GNL2: variants seen among roughly 807,000 people sequenced by gnomAD.
GNL2 encodes nucleolar GTP-binding protein 2.
A neutral mutation model predicts 92.3 loss-of-function variants in GNL2; 51 were observed. The ratio of observed to expected loss-of-function variants is 0.55; its 90% CI spans 0.44 to 0.70. The LOEUF (loss-of-function observed/expected upper bound fraction) is 0.70, where lower values mean the gene tolerates loss of function less well. GNL2 is among the 30% of genes least tolerant of loss of function. GNL2 has a pLI of 0.00. For missense variants in GNL2, 844 were observed against 895.6 expected, an observed-to-expected ratio of 0.94 and a Z score of 0.74; for synonymous variants, 283 against 300.6, an observed-to-expected ratio of 0.94 and a Z score of 0.61.
At chr1:37,591,420 G>A (rs1643886666) in intron 3 of GNL2, among the ~76,000 whole-genome samples, 1 of 152,180 alleles carries the variant, frequency 6.6e-6, no homozygotes, top group African/African-American at 2.4e-5. Context: ...AAAACAGCAA[G>A]GTGGTAATGA....
chr1:37,567,553 C>A, intron 15 of GNL2, 120 bp downstream of exon 15: 1 of 741,762 alleles, frequency 1.3e-6, no homozygotes. Flanking sequence ...CTGACCTCAA[C>A]TAGGTCAACG....
intron 9 of GNL2, 90 bp downstream of exon 9, chr1:37,576,338 G>T: frequency 8.6e-7 from 1 of 1,167,980 alleles, no homozygotes; most frequent in South Asian, 1.4e-5. Context: ...CTGCATTCAA[G>T]AGAAGCAGAG....
rs558776479 is a variant in GNL2 at position 37,585,631 on chromosome 1, C to CA, written c.569+1679dup. On this transcript the variant is annotated intron_variant, in intron 5 of 15. Transcript: ENST00000373062. ...TATACCTGTTGCGGAAGGAAAAATT[C>CA]AAATCGGCAGAATACAAAGCCAACG... is the stretch of plus-strand genomic sequence containing the variant. Among the ~76,000 whole-genome samples, 237 of 152,264 alleles carry CA rather than the reference C, an allele frequency of 1.6e-3. 1 individual carries two copies. The highest frequency in any genetic ancestry group is 5.3e-3 in the African/African-American group (221 of 41,536).
chr1:37,582,444 A>C, intron 7 of GNL2, 108 bp from the exon 8 acceptor site: 1 of 648,780 alleles, frequency 1.5e-6, no homozygotes, highest in Non-Finnish European at 2.6e-6. Flanking sequence ...ACTGTTGTCT[A>C]AGGAAAATGT....
chr1:37,590,265 C>G (rs564183201), intron 4 of GNL2, among the ~76,000 whole-genome samples: 1 of 152,176 alleles, frequency 6.6e-6, no homozygotes, highest in Non-Finnish European at 1.5e-5. Flanking sequence ...TGCACCACCA[C>G]GCCTGGCTAA....
intron 6 of GNL2, chr1:37,583,150 A>G (rs1266629709): frequency 2.7e-6 from 1 of 368,348 alleles, no homozygotes; most frequent in Non-Finnish European, 4.8e-6. Flanking sequence ...AATTTAAAAC[A>G]GAAAAACTAG....
chr1:37,592,047 CACTGAAAGTATAAGAG>C (rs941622360), intron 3 of GNL2, among the ~76,000 whole-genome samples: 1 of 152,174 alleles, frequency 6.6e-6, no homozygotes, highest in African/African-American at 2.4e-5. Context: ...GGAAGTATCC[CACTGAAAGTATAAGAG>C]ACTCAAAGAT....
chr1:37,583,139 G>T, intron 6 of GNL2: 1 of 385,154 alleles, frequency 2.6e-6, no homozygotes, highest in Non-Finnish European at 4.6e-6. Context: ...GAAACCTGCT[G>T]AATTTAAAAC....
At chr1:37,593,899 C>A in intron 1 of GNL2, 53 bp from the exon 2 acceptor site, 1 of 1,325,576 alleles carries the variant, frequency 7.5e-7, no homozygotes, top group South Asian at 1.2e-5. Context: ...CCAGTATAAC[C>A]AACAAGTCAT....
rs112147519 is a variant in GNL2, at chr1:37,575,712, A to T, written c.1039-13T>A. On this transcript the variant is annotated splice_polypyrimidine_tract_variant and intron_variant, in intron 9 of 15. Transcript: ENST00000373062. This position sits in a 1 kb window ranked among gnomAD's most constrained non-coding sequence, Gnocchi z 4.1. ...TATACTGCCAGACCTGAAGTCAGAA[A>T]AAAGTCAGAGATGTCCTGTATCAAA... is the stretch of plus-strand genomic sequence containing the variant. The T allele has an allele frequency of 7.9e-5, 122 of 1,541,206 alleles. No homozygotes were observed. In the African/African-American group the frequency reaches 1.4e-3, roughly 18 times the overall value.
At chr1:37,589,574 G>A (rs1448528336) in intron 4 of GNL2, among the ~76,000 whole-genome samples, 1 of 152,164 alleles carries the variant, frequency 6.6e-6, no homozygotes, top group African/African-American at 2.4e-5. Context: ...CCAAAGTGCT[G>A]GGATTCAGGC....
rs748594693 is a variant in GNL2 at position 37,595,771 on chromosome 1, T to C, written c.52A>G (p.Ser18Gly). The change falls in exon 1 of 16, where the codon AGC becomes GGC. Residue 18 changes from serine (S) to glycine (G), a missense_variant. Transcript: ENST00000373062. ...GRSTINPSKASTNPDRVQGAG... is the reference protein window; with the variant it reads ...GRSTINPSKAGTNPDRVQGAG... ...CTGCCGCCTGTACCTGGGTTTGTGCTGGCCTTGGACGGGTTGATGGTGCTC... is the reference window on the plus strand; with the variant it reads ...CTGCCGCCTGTACCTGGGTTTGTGCCGGCCTTGGACGGGTTGATGGTGCTC... The C allele has an allele frequency of 3.1e-6, 5 of 1,614,186 alleles. No homozygotes were observed. Among genetic ancestry groups the C allele is most frequent in the Non-Finnish European group, 3.4e-6 (4 of 1,179,986 alleles).
rs1643514126 is a variant in GNL2, at chr1:37,566,992, G to A, written c.2059C>T (p.Arg687Ter). Residue 687 changes from arginine to a stop codon, truncating the protein, a stop_gained, in exon 16 of 16, where the codon CGA becomes TGA. Transcript: ENST00000373062. LOFTEE classifies it high-confidence loss of function. ...LTSKERRRAV[R>*]QQRPKKVGVR... ...CCAACTTTTTTCGGCCGTTGCTGTCGTACTGCTCGCCTCCGCTGTAAAAAA... is the reference window on the plus strand; with the variant it reads ...CCAACTTTTTTCGGCCGTTGCTGTCATACTGCTCGCCTCCGCTGTAAAAAA... 10 of 1,612,516 alleles carry A rather than the reference G, an allele frequency of 6.2e-6. No individual in the cohort carries two copies. The highest frequency in any genetic ancestry group is 3.3e-5 in the South Asian group (3 of 90,614).
chr1:37,582,687 T>C, intron 7 of GNL2, 91 bp downstream of exon 7: 1 of 1,079,506 alleles, frequency 9.3e-7, no homozygotes, highest in Non-Finnish European at 1.3e-6. Flanking sequence ...TACTACAATC[T>C]CAGCCGGACA....
intron 13 of GNL2, chr1:37,568,563 A>C: frequency 1.7e-6 from 1 of 602,290 alleles, no homozygotes; most frequent in Non-Finnish European, 2.9e-6. Flanking sequence ...GAATTTTACA[A>C]AATTTACAGT....
chr1:37,576,479 T>C lies in GNL2; in HGVS notation c.987A>G (p.Thr329=), dbSNP rs751960084. ...PNVGKSSVIN[T]LRSKKVCNVA... ...CGTTGCAAACTTTCTTAGAACGCAA[T>C]GTATTTATCACAGAGCTCTTGCCAA... The change falls in exon 9 of 16, where the codon ACA becomes ACG. Residue 329 remains threonine (T), a synonymous_variant. Transcript: ENST00000373062. 15 of 1,614,018 alleles carry C rather than the reference T, an allele frequency of 9.3e-6. No homozygotes were observed. The East Asian group carries it at 2.5e-4, about 26-fold the overall frequency.
intron 6 of GNL2, among the ~76,000 whole-genome samples, chr1:37,583,522 T>C (rs1643803919): frequency 3.3e-5 from 5 of 152,132 alleles, no homozygotes; most frequent in Admixed American, 2.0e-4. Context: ...GGAGTCCTCA[T>C]CGATAAAAGG....
chr1:37,568,236 G>A (rs1158857272), intron 14 of GNL2, 39 bp downstream of exon 14: 3 of 1,278,484 alleles, frequency 2.3e-6, no homozygotes, highest in African/African-American at 2.9e-5. Flanking sequence ...CTCTAAATAT[G>A]CAAATTACAT....
Position 37,575,798 on chromosome 1 carries a change from G to A in GNL2, c.1039-99C>T. The A allele has an allele frequency of 1.4e-6, 1 of 734,450 alleles. No individual in the cohort carries two copies. The allele number at this position is 734,450 out of a possible 1,614,324, so 45.5% of individuals were successfully genotyped here. A position where few individuals can be genotyped will look rare whatever the true frequency, so the allele number is the denominator to read the frequency against. On this transcript the variant is annotated intron_variant, in intron 9 of 15. Transcript: ENST00000373062. This position sits in a 1 kb window ranked among gnomAD's most constrained non-coding sequence, Gnocchi z 4.1. ...ATGTATGAAGCTGGAAAGGAGGAAG[G>A]GGTGAGTCAAAGAAAAGCAACGCGC...
Sources: allele counts gnomAD v4.1 joint callset (sites outside exome capture counted in the v4.1 genomes callset), GRCh38; gene constraint gnomAD v4.1.1; non-coding constraint Gnocchi (gnomAD v3.1); transcripts MANE v1.5; gene names NCBI Gene and HGNC (gene_info 2026-07-23, HGNC 2026-07-21).